STX4: variants seen among roughly 807,000 people sequenced by gnomAD.
STX4 encodes syntaxin 4.
In STX4, 24 loss-of-function variants were observed where a neutral mutation model predicts 41.8. The ratio of observed to expected loss-of-function variants is 0.57; its 90% CI spans 0.42 to 0.81. The LOEUF is 0.81. STX4 is among the 30% of genes least tolerant of loss of function. STX4 has a pLI of 0.00. For synonymous variants in STX4, 158 were observed against 156.4 expected, an observed-to-expected ratio of 1.01 and a Z score of -0.08; for missense variants, 316 against 389.9, an observed-to-expected ratio of 0.81 and a Z score of 1.60.
chr16:31,033,383 C>T, upstream of STX4: 1 of 1,122,634 alleles, frequency 8.9e-7, no homozygotes, highest in Non-Finnish European at 1.3e-6. The surrounding 1 kb of genome is among the most constrained non-coding windows in gnomAD (Gnocchi z 5.5). Context: ...CCCCTTTTGG[C>T]AACCAGATTT....
Position 31,038,109 on chromosome 16 carries a change from C to G in STX4, c.488-5C>G. The G allele has an allele frequency of 6.2e-6, 10 of 1,614,182 alleles. No homozygotes were observed. The highest frequency in any genetic ancestry group is 7.6e-6 in the Non-Finnish European group (9 of 1,180,030). ...CAACCCTGAGCCTGGCCTTTTCCTT[C>G]ACAGCCAATGCTGGGATGGTGTCTG... On this transcript the variant is annotated splice_polypyrimidine_tract_variant and splice_region_variant and intron_variant, in intron 6 of 10. Coordinates refer to ENST00000313843, the MANE Select transcript of STX4 (RefSeq NM_004604.5).
At chr16:31,035,125 C>A in intron 5 of STX4, 85 bp downstream of exon 5, 2 of 1,103,708 alleles carry the variant, frequency 1.8e-6, no homozygotes, top group Non-Finnish European at 2.6e-6. Context: ...GAAGGGCCTG[C>A]AGAGATCATG....
rs1047948843 is a variant in STX4, at chr16:31,039,011, G to A, written c.702+364G>A. On this transcript the variant is annotated intron_variant, in intron 8 of 10. Transcript: ENST00000313843. The surrounding 1 kb of genome is among the most constrained non-coding windows in gnomAD (Gnocchi z 4.1). ...ACATCTGTACAAGGCTGGGGTGGGG[G>A]CGGCGTTCCCCTGGCCCTGGTTGTG... 3.8e-5 allele frequency: 10 copies of A among 261,352 alleles called. No individual in the cohort carries two copies. The highest frequency in any genetic ancestry group is 7.5e-5 in the Non-Finnish European group (10 of 133,556). The allele number at this position is 261,352 out of a possible 1,614,324, so 16.2% of individuals were successfully genotyped here.
In STX4 at chr16:31,039,385, G is replaced by A. The variant is rs145134490; in HGVS notation, c.703-156G>A. The A allele has an allele frequency of 3.6e-5, 24 of 659,718 alleles. No homozygotes were observed. In the African/African-American group the frequency reaches 4.3e-4, roughly 12 times the overall value. 40.9% of individuals were successfully genotyped at this position (659,718 alleles called of 1,614,324 possible). A position where few individuals can be genotyped will look rare whatever the true frequency, so the allele number is the denominator to read the frequency against. On this transcript the variant is annotated intron_variant, in intron 8 of 10. Coordinates refer to ENST00000313843, the MANE Select transcript of STX4 (RefSeq NM_004604.5). The surrounding 1 kb of genome is among the most constrained non-coding windows in gnomAD (Gnocchi z 4.1). ...ACTACATGATAGAAGGGGCCTGGAA[G>A]CCATCCCCAAGGAGTCTGAACTTTT...
Position 31,039,962 on chromosome 16 carries a change from G to A in STX4, c.*66G>A, listed in dbSNP as rs1489683610. The A allele has an allele frequency of 1.5e-5, 12 of 797,708 alleles. No individual in the cohort carries two copies. In the Admixed American group the frequency reaches 2.8e-4, roughly 19 times the overall value. 49.4% of individuals were successfully genotyped at this position (797,708 alleles called of 1,614,324 possible). A position where few individuals can be genotyped will look rare whatever the true frequency, so the allele number is the denominator to read the frequency against. On this transcript the variant is annotated 3_prime_UTR_variant, in exon 11 of 11. Transcript: ENST00000313843. The surrounding 1 kb of genome is among the most constrained non-coding windows in gnomAD (Gnocchi z 4.1). ...GCCTGGCCTTCTCTCCCAGCAGCCT[G>A]GGGGGCAGGGCAGAGCCTCCAGTCG...
In STX4 at chr16:31,038,490, C is replaced by A. The variant is rs1263797289; in HGVS notation, c.565-20C>A. ...TCGGTCTCCCTGTGAACAGTTGCCC[C>A]ACTCCTGTCCACCCCCCAGATCCTG... On this transcript the variant is annotated intron_variant, in intron 7 of 10. Coordinates refer to ENST00000313843, the MANE Select transcript of STX4 (RefSeq NM_004604.5). 2 of 1,613,866 alleles carry A rather than the reference C, an allele frequency of 1.2e-6. No individual in the cohort carries two copies. Among genetic ancestry groups the A allele is most frequent in the East Asian group, 2.2e-5 (1 of 44,864 alleles).
At position 31,039,815 on chromosome 16, in the gene STX4, G is replaced by A. The variant is rs570754713; in HGVS notation, c.*12G>A. 1.2e-6 allele frequency: 2 copies of A among 1,614,114 alleles called. No homozygotes were observed. The highest frequency in any genetic ancestry group is 2.2e-5 in the East Asian group (1 of 44,874). On this transcript the variant is annotated 3_prime_UTR_variant, in exon 10 of 11. Coordinates refer to ENST00000313843, the MANE Select transcript of STX4 (RefSeq NM_004604.5). The surrounding 1 kb of genome is among the most constrained non-coding windows in gnomAD (Gnocchi z 4.1). The stretch of plus-strand genomic sequence containing the variant: ...CAGTGGTTGGATAATGTCGCACATT[G>A]TTGGTGAGATGTTGTGGGCTGCCCC...
At position 31,039,146 on chromosome 16, in the gene STX4, G is replaced by A. The variant is rs543578219; in HGVS notation, c.703-395G>A. 5 of 257,680 alleles carry A rather than the reference G, an allele frequency of 1.9e-5. No homozygotes were observed. Among genetic ancestry groups the A allele is most frequent in the Non-Finnish European group, 3.8e-5 (5 of 131,240 alleles). 16.0% of individuals were successfully genotyped at this position (257,680 alleles called of 1,614,324 possible). On this transcript the variant is annotated intron_variant, in intron 8 of 10. Coordinates refer to ENST00000313843, the MANE Select transcript of STX4 (RefSeq NM_004604.5). This position sits in a 1 kb window ranked among gnomAD's most constrained non-coding sequence, Gnocchi z 4.1. ...AGGAAAGAGATCTCATTCAGTAGGA[G>A]TACTGAGACCTGAGGCTGGTGGTGC...
At chr16:31,033,312 G>A (rs2056768470), upstream of STX4, 2 of 739,522 alleles carry the variant, frequency 2.7e-6, no homozygotes, top group Non-Finnish European at 4.9e-6. The surrounding 1 kb of genome is among the most constrained non-coding windows in gnomAD (Gnocchi z 5.5). Flanking sequence ...ACGCGGTGGG[G>A]GCACCATGGG....
Position 31,033,811 on chromosome 16 carries a change from G to A in STX4, c.6G>A (p.Arg2=), listed in dbSNP as rs1406535296. Residue 2 remains arginine, a synonymous_variant, in exon 1 of 11, where the codon CGG becomes CGA. Coordinates refer to ENST00000313843, the MANE Select transcript of STX4 (RefSeq NM_004604.5). The surrounding 1 kb of genome is among the most constrained non-coding windows in gnomAD (Gnocchi z 5.5). M[R]DRTHELRQGD... ...GAGGGAGAGCTCAGGCCGCCATGCG[G>A]GACAGGACCCACGAGCTGAGACAGG... The A allele has an allele frequency of 6.9e-7, 1 of 1,455,144 alleles. No individual in the cohort carries two copies. Among genetic ancestry groups the A allele is most frequent in the South Asian group, 1.5e-5 (1 of 67,612 alleles). The allele number at this position is 1,455,144 out of a possible 1,614,324, so 90.1% of individuals were successfully genotyped here.
rs972236845 is a variant in STX4, at chr16:31,034,719, G to A, written c.307+183G>A. 2.5e-5 allele frequency: 18 copies of A among 732,764 alleles called. No individual in the cohort carries two copies. In the East Asian group the frequency reaches 5.2e-4, roughly 21 times the overall value. The allele number at this position is 732,764 out of a possible 1,614,324, so 45.4% of individuals were successfully genotyped here. On this transcript the variant is annotated intron_variant, in intron 4 of 10. Coordinates refer to ENST00000313843, the MANE Select transcript of STX4 (RefSeq NM_004604.5). ...CTCCACAGCACAAGTCCGCCTCTCAGGTTCTTTTATTTACAATGAAACCAT... is the reference window on the plus strand; with the variant it reads ...CTCCACAGCACAAGTCCGCCTCTCAAGTTCTTTTATTTACAATGAAACCAT...
rs1220595017 is a variant in STX4 at position 31,039,836 on chromosome 16, GC to G, written c.*15+23del. 6.2e-7 allele frequency: 1 copy of G among 1,612,270 alleles called. No homozygotes were observed. Among genetic ancestry groups the G allele is most frequent in the South Asian group, 1.1e-5 (1 of 91,044 alleles). On this transcript the variant is annotated intron_variant, in intron 10 of 10. Coordinates refer to ENST00000313843, the MANE Select transcript of STX4 (RefSeq NM_004604.5). The surrounding 1 kb of genome is among the most constrained non-coding windows in gnomAD (Gnocchi z 4.1). ...CATTGTTGGTGAGATGTTGTGGGCTGCCCCCTGGCCTGCCCCAGCCCTGGCC... is the reference window on the plus strand; with the variant it reads ...CATTGTTGGTGAGATGTTGTGGGCTGCCCCTGGCCTGCCCCAGCCCTGGCC...
intron 5 of STX4, among the ~76,000 whole-genome samples, chr16:31,036,765 C>G (rs2056802090): frequency 6.6e-6 from 1 of 152,052 alleles, no homozygotes; most frequent in Non-Finnish European, 1.5e-5. Flanking sequence ...GAACAAGAGA[C>G]TTAAAGGTGT....
At position 31,038,037 on chromosome 16, in the gene STX4, G is replaced by A; in HGVS notation, c.487+3G>A. On this transcript the variant is annotated splice_donor_region_variant and intron_variant, in intron 6 of 10. Transcript: ENST00000313843. ...GATTCGGAGGCAGCTGAAGATCAGTGAGTTGTGCATGCCCAGCCTGGCCCG... is the reference window on the plus strand; with the variant it reads ...GATTCGGAGGCAGCTGAAGATCAGTAAGTTGTGCATGCCCAGCCTGGCCCG... The A allele has an allele frequency of 6.2e-7, 1 of 1,614,210 alleles. No homozygotes were observed. The highest frequency in any genetic ancestry group is 1.3e-5 in the African/African-American group (1 of 75,058).
Position 31,034,122 on chromosome 16 carries a change from G to GCTGGGGTCTCCGC in STX4, c.132+13_132+25dup, listed in dbSNP as rs1567388073. The GCTGGGGTCTCCGC allele has an allele frequency of 3.7e-6, 6 of 1,609,010 alleles. No individual in the cohort carries two copies. In the South Asian group the frequency reaches 6.6e-5, roughly 18 times the overall value. ...GAGGAGTTCTTCCACAAGGTAAGGGGCTGGGGTCTCCGCCTGGATTCGCGA... is the reference window on the plus strand; with the variant it reads ...GAGGAGTTCTTCCACAAGGTAAGGGGCTGGGGTCTCCGCCTGGGGTCTCCGCCTGGATTCGCGA... On this transcript the variant is annotated intron_variant, in intron 2 of 10. Coordinates refer to ENST00000313843, the MANE Select transcript of STX4 (RefSeq NM_004604.5).
Position 31,038,492 on chromosome 16 carries a change from C to T in STX4, c.565-18C>T. On this transcript the variant is annotated intron_variant, in intron 7 of 10. Transcript: ENST00000313843. ...GGTCTCCCTGTGAACAGTTGCCCCA[C>T]TCCTGTCCACCCCCCAGATCCTGAA... is the stretch of plus-strand genomic sequence containing the variant. The T allele has an allele frequency of 6.2e-7, 1 of 1,614,010 alleles. No homozygotes were observed. Among genetic ancestry groups the T allele is most frequent in the Non-Finnish European group, 8.5e-7 (1 of 1,179,914 alleles).
At chr16:31,037,531 G>A (rs1426567542) in intron 5 of STX4, among the ~76,000 whole-genome samples, 3 of 150,880 alleles carry the variant, frequency 2.0e-5, no homozygotes, top group East Asian at 2.0e-4. Context: ...GTGGTGGCGC[G>A]TGCCTGTAGT....
rs536004454 is a variant in STX4 at position 31,037,900 on chromosome 16, A to G, written c.379-26A>G. On this transcript the variant is annotated intron_variant, in intron 5 of 10. Coordinates refer to ENST00000313843, the MANE Select transcript of STX4 (RefSeq NM_004604.5). ...ACCGGGCAGGGATCCTCCCAGGGGC[A>G]CTCAGCCTATATTCTTCATCTTTAG... 410 of 1,613,250 alleles carry G rather than the reference A, an allele frequency of 2.5e-4. 4 individuals are homozygous for G. In the South Asian group the frequency reaches 4.3e-3, roughly 17 times the overall value.
chr16:31,033,314 C>A, upstream of STX4: 1 of 741,870 alleles, frequency 1.3e-6, no homozygotes, highest in Non-Finnish European at 2.4e-6. The surrounding 1 kb of genome is among the most constrained non-coding windows in gnomAD (Gnocchi z 5.5). Context: ...GCGGTGGGGG[C>A]ACCATGGGGT....
Sources: allele counts gnomAD v4.1 joint callset (sites outside exome capture counted in the v4.1 genomes callset), GRCh38; gene constraint gnomAD v4.1.1; non-coding constraint Gnocchi (gnomAD v3.1); transcripts MANE v1.5; gene names NCBI Gene and HGNC (gene_info 2026-07-23, HGNC 2026-07-21).